The following FLRT2 variants were observed in gnomAD, a reference collection of about 807,000 sequenced individuals.
FLRT2 encodes the protein fibronectin leucine rich transmembrane protein 2.
A neutral mutation model predicts 40.0 loss-of-function variants in FLRT2; 15 were observed. The observed-to-expected ratio is 0.38, with a 90% CI of 0.25 to 0.58. FLRT2 has a LOEUF of 0.58. FLRT2 is among the 20% of genes least tolerant of loss of function. The probability of loss-of-function intolerance (pLI) is 0.71; values close to 1 mark genes in which losing one functional copy is unlikely to be tolerated. For missense variants in FLRT2, 726 were observed against 840.0 expected (o/e 0.86, Z 1.68); for synonymous variants, 380 against 336.8 (o/e 1.13, Z -1.41).
At position 85,613,402 on chromosome 14, in the gene FLRT2, T is replaced by C. The variant is rs528106968; in HGVS notation, c.-376-7737T>C. On this transcript the variant is annotated intron_variant, in intron 1 of 1. Coordinates refer to ENST00000330753, the MANE Select transcript of FLRT2 (RefSeq NM_013231.6). The stretch of plus-strand genomic sequence containing the variant: ...TAATTGCAACTATTTCCTAGTTGCA[T>C]GTTCTATGCCTTTTACAAAGGTCAT... Among the ~76,000 whole-genome samples, 16 of 152,346 alleles carry C rather than the reference T, an allele frequency of 1.1e-4. No homozygotes were observed. The East Asian group carries it at 3.1e-3, about 29-fold the overall frequency.
chr14:85,635,849 C>T lies in FLRT2; in HGVS notation c.*12352C>T, dbSNP rs1433378134. On this transcript the variant is annotated 3_prime_UTR_variant, in exon 2 of 2. Transcript: ENST00000330753. ...ATTTCAAAATGTTTAGTCTTTAAAG[C>T]GGTTACCTAAGAATATCTGCCAGTG... 2 of 152,050 alleles carry T rather than the reference C, an allele frequency of 1.3e-5. No individual in the cohort carries two copies. The highest frequency in any genetic ancestry group is 2.4e-5 in the African/African-American group (1 of 41,438). The allele number at this position is 152,050 out of a possible 1,614,324, so 9.4% of individuals were successfully genotyped here.
intron 1 of FLRT2, among the ~76,000 whole-genome samples, chr14:85,605,639 G>A (rs748929371): frequency 8.5e-5 from 13 of 152,088 alleles, no homozygotes; most frequent in South Asian, 6.3e-4. Flanking sequence ...GCGTGGTGGC[G>A]GGCACCTGTA....
At chr14:85,537,975 T>A (rs765301820) in intron 1 of FLRT2, among the ~76,000 whole-genome samples, 14 of 152,098 alleles carry the variant, frequency 9.2e-5, no homozygotes, top group Non-Finnish European at 1.6e-4. Flanking sequence ...AAATTCATCA[T>A]GTTGTGTTCA....
chr14:85,620,870 A>G (rs1893348296), intron 1 of FLRT2, among the ~76,000 whole-genome samples: 1 of 150,560 alleles, frequency 6.6e-6, no homozygotes, highest in African/African-American at 2.4e-5. Context: ...TAGATAAAAG[A>G]GAAGGTACTG....
chr14:85,572,645 T>G (rs1201656329), intron 1 of FLRT2, among the ~76,000 whole-genome samples: 2 of 152,228 alleles, frequency 1.3e-5, no homozygotes, highest in South Asian at 4.1e-4. Context: ...GTAAGTTTTG[T>G]GCTTTAGTCC....
intron 1 of FLRT2, among the ~76,000 whole-genome samples, chr14:85,579,284 T>A (rs1415103423): frequency 6.6e-6 from 1 of 152,112 alleles, no homozygotes; most frequent in Non-Finnish European, 1.5e-5. Context: ...TTTTTATGTA[T>A]TTATTTTTAT....
chr14:85,635,561 C>T lies in FLRT2; in HGVS notation c.*12064C>T, dbSNP rs922486165. Reference sequence around the variant, plus strand: ...ATGTTTTCAAGCCATTATATAACAGCTATTAAACCCTAATATTTGACAGAG... The same window carrying T: ...ATGTTTTCAAGCCATTATATAACAGTTATTAAACCCTAATATTTGACAGAG... On this transcript the variant is annotated 3_prime_UTR_variant, in exon 2 of 2. Coordinates refer to ENST00000330753, the MANE Select transcript of FLRT2 (RefSeq NM_013231.6). 2.6e-5 allele frequency: 4 copies of T among 151,788 alleles called. No individual in the cohort carries two copies. The highest frequency in any genetic ancestry group is 9.7e-5 in the African/African-American group (4 of 41,368). The allele number at this position is 151,788 out of a possible 1,614,324, so 9.4% of individuals were successfully genotyped here. A position where few individuals can be genotyped will look rare whatever the true frequency, so the allele number is the denominator to read the frequency against.
chr14:85,574,843 A>G (rs1486318551), intron 1 of FLRT2, among the ~76,000 whole-genome samples: 1 of 152,210 alleles, frequency 6.6e-6, no homozygotes, highest in Non-Finnish European at 1.5e-5. Context: ...ACAAATAGTT[A>G]TTCTTTCAAA....
intron 1 of FLRT2, among the ~76,000 whole-genome samples, chr14:85,562,250 T>C (rs1950179): frequency 0.85 from 129,762 of 152,272 alleles, 55,671 homozygotes; most frequent in African/African-American, 0.93. Context: ...GACTCACTCA[T>C]GTTTCCAAGA....
rs894795581 is a variant in FLRT2 at position 85,632,596 on chromosome 14, C to G, written c.*9099C>G. 3 of 41,282 alleles carry G rather than the reference C, an allele frequency of 7.3e-5. No individual in the cohort carries two copies. The highest frequency in any genetic ancestry group is 2.9e-4 in the African/African-American group (3 of 10,452). 2.6% of individuals were successfully genotyped at this position (41,282 alleles called of 1,614,324 possible). Reference sequence around the variant, plus strand: ...AAATGAATTCTTTGCATGTGAAAAGCAGAGATTTTTTTTTTTTCATCTTCA... The same window carrying G: ...AAATGAATTCTTTGCATGTGAAAAGGAGAGATTTTTTTTTTTTCATCTTCA... On this transcript the variant is annotated 3_prime_UTR_variant, in exon 2 of 2. Coordinates refer to ENST00000330753, the MANE Select transcript of FLRT2 (RefSeq NM_013231.6).
intron 1 of FLRT2, among the ~76,000 whole-genome samples, chr14:85,564,918 T>G (rs974693934): frequency 6.6e-6 from 1 of 152,220 alleles, no homozygotes; most frequent in Non-Finnish European, 1.5e-5. Context: ...AAGAGACTCA[T>G]CCTATGATCA....
At chr14:85,556,071 T>C (rs375290892) in intron 1 of FLRT2, among the ~76,000 whole-genome samples, 1 of 152,208 alleles carries the variant, frequency 6.6e-6, no homozygotes, top group Non-Finnish European at 1.5e-5. Flanking sequence ...TCCTATCCCA[T>C]GAATACAGAT....
At chr14:85,619,161 C>A (rs1893273056) in intron 1 of FLRT2, among the ~76,000 whole-genome samples, 1 of 150,448 alleles carries the variant, frequency 6.6e-6, no homozygotes, top group Admixed American at 6.6e-5. Flanking sequence ...ATGATCTTGG[C>A]TCACCTCCGC....
chr14:85,549,839 G>C (rs1222066446), intron 1 of FLRT2, among the ~76,000 whole-genome samples: 1 of 142,994 alleles, frequency 7.0e-6, no homozygotes, highest in Non-Finnish European at 1.5e-5. Context: ...GGCCTGCATA[G>C]ATAAGGCAAT....
intron 1 of FLRT2, among the ~76,000 whole-genome samples, chr14:85,611,467 A>C (rs1892857103): frequency 6.6e-6 from 1 of 152,232 alleles, no homozygotes; most frequent in South Asian, 2.1e-4. Flanking sequence ...ACAAGGAAAG[A>C]TTTTTGAGGA....
intron 1 of FLRT2, among the ~76,000 whole-genome samples, chr14:85,546,812 G>A (rs1889306024): frequency 6.6e-6 from 1 of 152,090 alleles, no homozygotes; most frequent in African/African-American, 2.4e-5. Flanking sequence ...TTTTCCACTG[G>A]ACTTCAGTGT....
chr14:85,574,100 C>T (rs775074401), intron 1 of FLRT2, among the ~76,000 whole-genome samples: 41 of 152,238 alleles, frequency 2.7e-4, no homozygotes, highest in Non-Finnish European at 5.0e-4. Context: ...GTGAAGCATA[C>T]TAGTGATAAG....
At chr14:85,566,242 C>T (rs952176418) in intron 1 of FLRT2, among the ~76,000 whole-genome samples, 3 of 152,056 alleles carry the variant, frequency 2.0e-5, no homozygotes, top group Admixed American at 6.6e-5. Flanking sequence ...TGATACTTGG[C>T]CTAATTCATT....
intron 1 of FLRT2, among the ~76,000 whole-genome samples, chr14:85,550,647 GT>G (rs1414733416): frequency 2.0e-5 from 3 of 152,118 alleles, no homozygotes; most frequent in Admixed American, 6.5e-5. Context: ...AGTTAGGGTT[GT>G]TTTAGCCTTT....
Sources: allele counts gnomAD v4.1 joint callset (sites outside exome capture counted in the v4.1 genomes callset), GRCh38; gene constraint gnomAD v4.1.1; transcripts MANE v1.5; gene names NCBI Gene and HGNC (gene_info 2026-07-23, HGNC 2026-07-21).